Variants in LYPLAL1 observed in about 807,000 individuals in gnomAD.
LYPLAL1 encodes the protein lysophospholipase like 1.
A neutral mutation model predicts 19.7 loss-of-function variants in LYPLAL1; 23 were observed. The observed-to-expected ratio is 1.17, with a 90% confidence interval of 0.84 to 1.65. The LOEUF (loss-of-function observed/expected upper bound fraction) is 1.65, where lower values mean the gene tolerates loss of function less well. LYPLAL1 is among the 40% of genes most tolerant of loss of function. The pLI is 0.00. For missense variants in LYPLAL1, 355 were observed against 279.4 expected (o/e 1.27, Z -1.93); for synonymous variants, 119 against 96.3 (o/e 1.24, Z -1.38).
chr1:219,280,361 T>G, the LYPLAL1 span, among the ~76,000 whole-genome samples: 1 of 152,228 alleles, frequency 6.6e-6, no homozygotes, highest in Non-Finnish European at 1.5e-5. Flanking sequence ...TATAACACTA[T>G]TATTCCTAAT....
chr1:219,330,537 T>A, the LYPLAL1 span, among the ~76,000 whole-genome samples: 1 of 152,214 alleles, frequency 6.6e-6, no homozygotes, highest in Non-Finnish European at 1.5e-5. Context: ...AATTCTTATT[T>A]TGTCTTCCAT....
intron 3 of LYPLAL1, among the ~76,000 whole-genome samples, chr1:219,195,478 C>G (rs1365770467): frequency 6.6e-6 from 1 of 152,148 alleles, no homozygotes; most frequent in South Asian, 2.1e-4. Flanking sequence ...AGAAAATACT[C>G]TGAGTAGTAC....
At chr1:219,276,894 T>C in the LYPLAL1 span, among the ~76,000 whole-genome samples, 12 of 152,280 alleles carry the variant, frequency 7.9e-5, no homozygotes, top group South Asian at 2.5e-3. Flanking sequence ...CCAGTTATTG[T>C]CCCGATGGTA....
At chr1:219,223,989 TC>T in the LYPLAL1 span, among the ~76,000 whole-genome samples, 18 of 152,182 alleles carry the variant, frequency 1.2e-4, no homozygotes, top group Admixed American at 1.2e-3. Context: ...TTTTTCCTGT[TC>T]AGTTATTGGC....
At chr1:219,297,987 A>T in the LYPLAL1 span, among the ~76,000 whole-genome samples, 71 of 152,250 alleles carry the variant, frequency 4.7e-4, no homozygotes, top group African/African-American at 1.7e-3. Flanking sequence ...AAATGAAGGA[A>T]CTAGTAATTG....
At chr1:219,187,961 GAAAC>G (rs1054312100) in intron 2 of LYPLAL1, among the ~76,000 whole-genome samples, 11 of 151,788 alleles carry the variant, frequency 7.2e-5, no homozygotes, top group South Asian at 6.2e-4. Flanking sequence ...TTTTAAAAAA[GAAAC>G]AAAAATGGAC....
chr1:219,418,143 C>A, the LYPLAL1 span, among the ~76,000 whole-genome samples: 3 of 151,990 alleles, frequency 2.0e-5, no homozygotes, highest in Non-Finnish European at 2.9e-5. Flanking sequence ...GAAAAAAAAA[C>A]AATGGGATCA....
chr1:219,291,572 G>C, the LYPLAL1 span, among the ~76,000 whole-genome samples: 1 of 152,120 alleles, frequency 6.6e-6, no homozygotes, highest in African/African-American at 2.4e-5. Flanking sequence ...GGTTTCACCA[G>C]GTCTCCTGAC....
At chr1:219,288,319 C>G in the LYPLAL1 span, among the ~76,000 whole-genome samples, 3 of 152,050 alleles carry the variant, frequency 2.0e-5, no homozygotes, top group African/African-American at 4.8e-5. Flanking sequence ...CATAGAAAAG[C>G]ACAAAGGAAA....
At chr1:219,201,500 T>C (rs1381483103) in intron 3 of LYPLAL1, among the ~76,000 whole-genome samples, 3 of 151,910 alleles carry the variant, frequency 2.0e-5, no homozygotes, top group Non-Finnish European at 4.4e-5. Context: ...TTTGGGTTTA[T>C]GAGAATAAAA....
the LYPLAL1 span, among the ~76,000 whole-genome samples, chr1:219,416,095 A>G: frequency 6.6e-6 from 1 of 152,222 alleles, no homozygotes; most frequent in Non-Finnish European, 1.5e-5. Context: ...AATTTCTCCT[A>G]TTATTACTAA....
the LYPLAL1 span, among the ~76,000 whole-genome samples, chr1:219,373,798 C>T: frequency 1.3e-5 from 2 of 149,826 alleles, no homozygotes; most frequent in African/African-American, 2.5e-5. Flanking sequence ...TTGCCTGAGC[C>T]ACCCTTGGGC....
At chr1:219,245,043 C>T in the LYPLAL1 span, among the ~76,000 whole-genome samples, 7 of 139,370 alleles carry the variant, frequency 5.0e-5, no homozygotes, top group Admixed American at 3.8e-4. Context: ...TTTTTTCCTT[C>T]TCTTTCCTTT....
the LYPLAL1 span, among the ~76,000 whole-genome samples, chr1:219,218,658 A>T: frequency 6.6e-6 from 1 of 152,112 alleles, no homozygotes; most frequent in Non-Finnish European, 1.5e-5. Context: ...ATCACTCAAG[A>T]CAGCCGATTC....
intron 3 of LYPLAL1, among the ~76,000 whole-genome samples, chr1:219,197,721 C>T (rs949274885): frequency 3.9e-5 from 6 of 152,112 alleles, no homozygotes; most frequent in African/African-American, 1.4e-4. Context: ...TTTTTGCGAT[C>T]TATCCATCTG....
At chr1:219,280,322 A>G in the LYPLAL1 span, among the ~76,000 whole-genome samples, 2 of 152,182 alleles carry the variant, frequency 1.3e-5, no homozygotes, top group African/African-American at 4.8e-5. Flanking sequence ...AACTTAACAA[A>G]ATACTTGAGT....
the LYPLAL1 span, among the ~76,000 whole-genome samples, chr1:219,334,549 G>A: frequency 6.6e-6 from 1 of 151,686 alleles, no homozygotes; most frequent in East Asian, 1.9e-4. Context: ...GTGTGTGTGT[G>A]TGTGTGTGTG....
chr1:219,227,007 C>G, the LYPLAL1 span, among the ~76,000 whole-genome samples: 1 of 152,220 alleles, frequency 6.6e-6, no homozygotes, highest in Non-Finnish European at 1.5e-5. Context: ...ATAATTTCAA[C>G]TCTTCTGTCT....
At chr1:219,358,161 A>G in the LYPLAL1 span, among the ~76,000 whole-genome samples, 1 of 152,218 alleles carries the variant, frequency 6.6e-6, no homozygotes, top group African/African-American at 2.4e-5. Context: ...TTCTAAAAAA[A>G]TCATTTAGAA....
Sources: allele counts gnomAD v4.1 joint callset (sites outside exome capture counted in the v4.1 genomes callset), GRCh38; gene constraint gnomAD v4.1.1; transcripts MANE v1.5; gene names NCBI Gene and HGNC (gene_info 2026-07-23, HGNC 2026-07-21).